KHDRBS2: variants seen among roughly 807,000 people sequenced by gnomAD.
The protein encoded by KHDRBS2 is KH RNA binding domain containing, signal transduction associated 2.
In KHDRBS2, 26 loss-of-function variants were observed where a neutral mutation model predicts 44.3. The ratio of observed to expected loss-of-function variants is 0.59; its 90% confidence interval spans 0.43 to 0.81. The LOEUF is 0.81. Among genes scored for constraint, KHDRBS2 ranks in the 40% least tolerant of loss-of-function variants. KHDRBS2 has a pLI of 0.00. For synonymous variants in KHDRBS2, 194 were observed against 151.1 expected (o/e 1.28, Z -2.08); for missense variants, 476 against 433.1 (o/e 1.10, Z -0.88).
At chr6:62,098,210 C>T (rs1217891356) in intron 2 of KHDRBS2, among the ~76,000 whole-genome samples, 9 of 147,288 alleles carry the variant, frequency 6.1e-5, no homozygotes, top group East Asian at 2.0e-4. Context: ...TGTTCATATA[C>T]TTACTCTTAC....
the KHDRBS2 span, among the ~76,000 whole-genome samples, chr6:61,598,420 C>T: frequency 6.6e-6 from 1 of 152,160 alleles, no homozygotes. Flanking sequence ...AAATGAGGTA[C>T]ATCCCACATT....
chr6:62,203,247 A>T (rs1320691462), intron 1 of KHDRBS2, among the ~76,000 whole-genome samples: 1 of 152,118 alleles, frequency 6.6e-6, no homozygotes, highest in Non-Finnish European at 1.5e-5. Context: ...AGAAGTTAAC[A>T]TGAGCATATT....
intron 4 of KHDRBS2, among the ~76,000 whole-genome samples, chr6:61,958,265 C>T (rs9354416): frequency 0.19 from 28,568 of 151,954 alleles, 3,101 homozygotes; most frequent in East Asian, 0.32. Flanking sequence ...CTTTGCAGTC[C>T]AGTTAGTACA....
chr6:61,789,322 T>C (rs1041193230), intron 6 of KHDRBS2, among the ~76,000 whole-genome samples: 1 of 151,456 alleles, frequency 6.6e-6, no homozygotes, highest in Non-Finnish European at 1.5e-5. Flanking sequence ...GAGAAAAGTA[T>C]TGGCATAGCA....
chr6:61,795,224 C>A (rs1386748553), intron 6 of KHDRBS2, among the ~76,000 whole-genome samples: 1 of 148,752 alleles, frequency 6.7e-6, no homozygotes, highest in East Asian at 2.0e-4. Context: ...ACATAGGTCT[C>A]AACTATATAA....
At chr6:61,802,877 T>A (rs1443530376) in intron 6 of KHDRBS2, among the ~76,000 whole-genome samples, 1 of 152,144 alleles carries the variant, frequency 6.6e-6, no homozygotes, top group Admixed American at 6.6e-5. Context: ...CATGTCTCCA[T>A]CCTTCCCATC....
At chr6:62,083,193 A>C (rs1476436195) in intron 2 of KHDRBS2, among the ~76,000 whole-genome samples, 4 of 152,110 alleles carry the variant, frequency 2.6e-5, no homozygotes, top group Non-Finnish European at 5.9e-5. Flanking sequence ...GCATCACAGC[A>C]GAGAAGGAGA....
intron 6 of KHDRBS2, among the ~76,000 whole-genome samples, chr6:61,892,380 T>A (rs1802014326): frequency 6.6e-6 from 1 of 152,174 alleles, no homozygotes; most frequent in South Asian, 2.1e-4. Flanking sequence ...ATGACTTTAT[T>A]CACAGAATTG....
In KHDRBS2 at chr6:62,156,651, G is replaced by T. The variant is rs1816449773; in HGVS notation, c.219+20534C>A. Among the ~76,000 whole-genome samples the T allele has an allele frequency of 2.6e-5, 4 of 152,024 alleles. No individual in the cohort carries two copies. In the South Asian group the frequency reaches 8.3e-4, roughly 32 times the overall value. On this transcript the variant is annotated intron_variant, in intron 2 of 8. Coordinates refer to ENST00000281156, the MANE Select transcript of KHDRBS2 (RefSeq NM_152688.4). ...TTAATTTTGTAGCTTTTGTTTGTTT[G>T]TTTGTTTTTGTTTTTTGAGACGGAG...
chr6:61,571,572 C>T, the KHDRBS2 span, among the ~76,000 whole-genome samples: 1 of 151,802 alleles, frequency 6.6e-6, no homozygotes, highest in East Asian at 1.9e-4. Context: ...ACTTAACAGA[C>T]GTTTACAGAA....
chr6:61,548,775 G>A, the KHDRBS2 span, among the ~76,000 whole-genome samples: 9 of 152,130 alleles, frequency 5.9e-5, no homozygotes, highest in African/African-American at 2.2e-4. Flanking sequence ...AGTTCTGGTT[G>A]AAAATAGGAA....
At chr6:61,839,047 T>C (rs1387980176) in intron 6 of KHDRBS2, among the ~76,000 whole-genome samples, 1 of 152,050 alleles carries the variant, frequency 6.6e-6, no homozygotes, top group African/African-American at 2.4e-5. Context: ...ATACCTTTCC[T>C]TTGGCTGGAA....
chr6:62,236,467 A>C (rs1208216388), intron 1 of KHDRBS2, among the ~76,000 whole-genome samples: 1 of 151,954 alleles, frequency 6.6e-6, no homozygotes, highest in Non-Finnish European at 1.5e-5. Context: ...TATTTAAAAT[A>C]ATCTATTAGC....
intron 6 of KHDRBS2, among the ~76,000 whole-genome samples, chr6:61,742,836 C>T (rs1776339377): frequency 6.6e-6 from 1 of 152,048 alleles, no homozygotes; most frequent in Admixed American, 6.6e-5. Context: ...GTAAATCAGT[C>T]TCTAATAAAA....
At chr6:61,790,072 A>T (rs1237021397) in intron 6 of KHDRBS2, among the ~76,000 whole-genome samples, 1 of 151,464 alleles carries the variant, frequency 6.6e-6, no homozygotes. Context: ...ACCCCCTGTA[A>T]AATCAAAGAC....
At chr6:62,040,396 T>G (rs770201906) in intron 3 of KHDRBS2, among the ~76,000 whole-genome samples, 1 of 152,092 alleles carries the variant, frequency 6.6e-6, no homozygotes, top group Non-Finnish European at 1.5e-5. Context: ...CTAACCATGA[T>G]ACATTTAGTG....
intron 3 of KHDRBS2, among the ~76,000 whole-genome samples, chr6:62,017,384 G>C (rs7771713): frequency 0.42 from 63,379 of 151,840 alleles, 14,040 homozygotes; most frequent in African/African-American, 0.57. Flanking sequence ...AAACACAAAA[G>C]TTCATCAGTG....
At chr6:61,994,421 C>G (rs1187400020) in intron 3 of KHDRBS2, among the ~76,000 whole-genome samples, 1 of 152,156 alleles carries the variant, frequency 6.6e-6, no homozygotes, top group African/African-American at 2.4e-5. Context: ...TACCATTCCC[C>G]TTTTGAGACT....
chr6:61,717,160 C>T (rs1228235851), intron 7 of KHDRBS2, among the ~76,000 whole-genome samples: 1 of 151,950 alleles, frequency 6.6e-6, no homozygotes, highest in Non-Finnish European at 1.5e-5. Flanking sequence ...TTTTTAAATA[C>T]AGATTGACTA....
Sources: allele counts gnomAD v4.1 joint callset (sites outside exome capture counted in the v4.1 genomes callset), GRCh38; gene constraint gnomAD v4.1.1; transcripts MANE v1.5; gene names NCBI Gene and HGNC (gene_info 2026-07-23, HGNC 2026-07-21).